The following TSHZ3 variants were observed in gnomAD, a reference collection of about 807,000 sequenced individuals.
TSHZ3 encodes the protein teashirt zinc finger homeobox 3, also known as teashirt homolog 3.
In TSHZ3, 10 loss-of-function variants were observed where a neutral mutation model predicts 64.5. That is an observed-to-expected ratio of 0.16 (90% CI 0.10 to 0.26). TSHZ3 has a LOEUF of 0.26. TSHZ3 is among the 10% of genes least tolerant of loss of function. The pLI is 1.00. For missense variants in TSHZ3, 1,242 were observed against 1,421.7 expected (o/e 0.87, Z 2.03); for synonymous variants, 608 against 593.1 (o/e 1.03, Z -0.36).
At chr19:31,237,754 ATT>A (rs1411434966) in intron 3 of TSHZ3, among the ~76,000 whole-genome samples, 1 of 152,176 alleles carries the variant, frequency 6.6e-6, no homozygotes, top group African/African-American at 2.4e-5. Flanking sequence ...TTTTCGAAGT[ATT>A]GCTTTAGCTG....
chr19:31,183,812 T>G (rs1187980475), intron 5 of TSHZ3, among the ~76,000 whole-genome samples: 1 of 151,914 alleles, frequency 6.6e-6, no homozygotes, highest in Non-Finnish European at 1.5e-5. Flanking sequence ...GGCGCTGGAG[T>G]GTTTTGACTG....
chr19:31,303,365 A>G (rs2145145471), intron 1 of TSHZ3, among the ~76,000 whole-genome samples: 1 of 152,352 alleles, frequency 6.6e-6, no homozygotes, highest in African/African-American at 2.4e-5. Context: ...AACACAGGAC[A>G]GAGACGGCAG....
chr19:31,286,683 C>T (rs1023424395), intron 1 of TSHZ3, among the ~76,000 whole-genome samples: 1 of 152,220 alleles, frequency 6.6e-6, no homozygotes, highest in African/African-American at 2.4e-5. Flanking sequence ...GGGGACCACA[C>T]AGGAAGTGTG....
intron 1 of TSHZ3, among the ~76,000 whole-genome samples, chr19:31,292,641 C>T (rs981971257): frequency 1.4e-4 from 21 of 151,860 alleles, no homozygotes; most frequent in African/African-American, 5.1e-4. Context: ...CCAGCCAACC[C>T]TCCATCCATC....
intron 1 of TSHZ3, among the ~76,000 whole-genome samples, chr19:31,258,755 A>T (rs1412901966): frequency 1.3e-5 from 2 of 152,208 alleles, no homozygotes; most frequent in Admixed American, 1.3e-4. Context: ...CAATCAATGT[A>T]GTCTCCCGGG....
At chr19:31,198,808 T>C (rs1204956970) in intron 5 of TSHZ3, among the ~76,000 whole-genome samples, 6 of 152,216 alleles carry the variant, frequency 3.9e-5, no homozygotes, top group Non-Finnish European at 7.3e-5. Flanking sequence ...GGTATTCATA[T>C]TCATGGATAG....
chr19:31,177,926 C>G (rs1164906906), intron 5 of TSHZ3, among the ~76,000 whole-genome samples: 2 of 152,096 alleles, frequency 1.3e-5, no homozygotes, highest in African/African-American at 4.8e-5. Context: ...TTTAGAGGCT[C>G]CTGTAGTCCA....
chr19:31,164,202 TAGAGCTTCTCAGGCC>T (rs1350417694), intron 5 of TSHZ3, among the ~76,000 whole-genome samples: 1 of 152,102 alleles, frequency 6.6e-6, no homozygotes, highest in Non-Finnish European at 1.5e-5. Flanking sequence ...GTGGCTGTTT[TAGAGCTTCTCAGGCC>T]ATCGACCCAG....
chr19:31,152,130 A>AAAAAAG (rs935270085), intron 6 of TSHZ3, among the ~76,000 whole-genome samples: 2 of 152,198 alleles, frequency 1.3e-5, no homozygotes, highest in African/African-American at 2.4e-5. Context: ...CTGCTTAAAA[A>AAAAAAG]AAAAAGAAAA....
At chr19:31,240,539 C>A (rs916278858) in intron 3 of TSHZ3, among the ~76,000 whole-genome samples, 1 of 152,094 alleles carries the variant, frequency 6.6e-6, no homozygotes. Flanking sequence ...CCACTTTACA[C>A]CTATGAAAAG....
intron 1 of TSHZ3, among the ~76,000 whole-genome samples, chr19:31,287,443 A>G (rs1245871261): frequency 1.3e-5 from 2 of 152,064 alleles, no homozygotes; most frequent in Non-Finnish European, 2.9e-5. Flanking sequence ...TGTGACTGTG[A>G]TGGAGGAAAG....
chr19:31,248,625 A>T (rs1975789712), intron 1 of TSHZ3, among the ~76,000 whole-genome samples: 1 of 151,612 alleles, frequency 6.6e-6, no homozygotes, highest in Non-Finnish European at 1.5e-5. Flanking sequence ...CTACCAAAAA[A>T]AAAAAAGTTT....
upstream of TSHZ3, among the ~76,000 whole-genome samples, chr19:31,349,902 CGCCCCCGCCCCCG>C (rs1234897974): frequency 4.8e-5 from 7 of 146,136 alleles, no homozygotes; most frequent in Non-Finnish European, 1.1e-4. Context: ...GGGGGCGCCG[CGCCCCCGCCCCCG>C]GCCCCAGGCC....
intron 6 of TSHZ3, among the ~76,000 whole-genome samples, chr19:31,155,953 T>C (rs1974301227): frequency 6.6e-6 from 1 of 152,198 alleles, no homozygotes; most frequent in African/African-American, 2.4e-5. Context: ...ACAATAAGAA[T>C]ATACCCTGAA....
intron 5 of TSHZ3, among the ~76,000 whole-genome samples, chr19:31,201,748 T>A (rs1975090177): frequency 6.6e-6 from 1 of 152,210 alleles, no homozygotes; most frequent in Admixed American, 6.5e-5. Context: ...GATGATGATT[T>A]AAGAAATAAA....
At chr19:31,199,675 T>C (rs1975047749) in intron 5 of TSHZ3, among the ~76,000 whole-genome samples, 1 of 149,186 alleles carries the variant, frequency 6.7e-6, no homozygotes, top group Non-Finnish European at 1.5e-5. Flanking sequence ...CCTTTAGATA[T>C]AATGTCAAAG....
chr19:31,298,831 C>G (rs1976705836), intron 1 of TSHZ3, among the ~76,000 whole-genome samples: 1 of 152,160 alleles, frequency 6.6e-6, no homozygotes. Context: ...CTGCCTGTCT[C>G]CAGAATACAC....
intron 1 of TSHZ3, among the ~76,000 whole-genome samples, chr19:31,315,410 G>C (rs1916573042): frequency 6.6e-6 from 1 of 152,078 alleles, no homozygotes; most frequent in African/African-American, 2.4e-5. Flanking sequence ...GCTTGGCTGG[G>C]GGTACTCAGG....
chr19:31,169,109 G>A (rs1198998058), intron 5 of TSHZ3, among the ~76,000 whole-genome samples: 11 of 150,448 alleles, frequency 7.3e-5, no homozygotes, highest in Admixed American at 6.6e-4. Flanking sequence ...ATTTGAAGCA[G>A]ACATTGAAAA....
Sources: gnomAD v4.1 joint callset for allele counts (sites outside exome capture counted in the v4.1 genomes callset) on GRCh38, gnomAD v4.1.1 for gene constraint, MANE v1.5 for transcripts, NCBI Gene and HGNC (gene_info 2026-07-23, HGNC 2026-07-21) for gene names.